The following NCAPH variants were observed in gnomAD, a reference collection of about 807,000 sequenced individuals.
NCAPH encodes non-SMC condensin I complex subunit H.
Under a neutral mutation model 85.5 loss-of-function variants are expected in NCAPH, and 38 were observed. That is an observed-to-expected ratio of 0.44 (90% CI 0.34 to 0.58). NCAPH has a LOEUF of 0.58. Among genes scored for constraint, NCAPH ranks in the 20% least tolerant of loss-of-function variants. The pLI is 0.01. For synonymous variants in NCAPH, 301 were observed against 335.1 expected (o/e 0.90, Z 1.11); for missense variants, 789 against 916.6 (o/e 0.86, Z 1.80).
At chr2:96,355,719 G>A (rs2064515793) in intron 9 of NCAPH, among the ~76,000 whole-genome samples, 1 of 150,618 alleles carries the variant, frequency 6.6e-6, no homozygotes. Context: ...TCTGCTCACT[G>A]CAAGCTCTGC....
intron 17 of NCAPH, among the ~76,000 whole-genome samples, chr2:96,371,583 T>A (rs2064773681): frequency 6.6e-6 from 1 of 152,204 alleles, no homozygotes; most frequent in Non-Finnish European, 1.5e-5. Flanking sequence ...TTCATTTTGC[T>A]GTGATCAAGT....
intron 17 of NCAPH, among the ~76,000 whole-genome samples, chr2:96,372,972 G>T (rs2064793481): frequency 6.6e-6 from 1 of 152,094 alleles, no homozygotes; most frequent in African/African-American, 2.4e-5. Context: ...ATGTGTTGTG[G>T]CTCCTCATGA....
chr2:96,339,162 G>C (rs1189271723), intron 1 of NCAPH, among the ~76,000 whole-genome samples: 1 of 152,240 alleles, frequency 6.6e-6, no homozygotes, highest in Admixed American at 6.5e-5. Flanking sequence ...AGCAGCCATA[G>C]AAAACTAATA....
At position 96,345,848 on chromosome 2, in the gene NCAPH, G is replaced by A. The variant is rs543204654; in HGVS notation, c.720+1619G>A. On this transcript the variant is annotated intron_variant, in intron 6 of 17. Transcript: ENST00000240423. ...TTCGTATTACTGTTTCAACATTCTT[G>A]TGGATCTGAAATTTTTTTTATGATA... Among the ~76,000 whole-genome samples, 174 of 152,286 alleles carry A rather than the reference G, an allele frequency of 1.1e-3. 1 individual carries two copies. The highest frequency in any genetic ancestry group is 4.0e-3 in the African/African-American group (167 of 41,562).
chr2:96,353,969 A>T (rs2064485177), intron 8 of NCAPH, among the ~76,000 whole-genome samples: 1 of 152,332 alleles, frequency 6.6e-6, no homozygotes, highest in Middle Eastern at 3.4e-3. Flanking sequence ...ACAACAATGC[A>T]GCTTCCTCCT....
chr2:96,365,747 C>T lies in NCAPH; in HGVS notation c.1699-129C>T, dbSNP rs983037311. On this transcript the variant is annotated intron_variant, in intron 13 of 17. Coordinates refer to ENST00000240423, the MANE Select transcript of NCAPH (RefSeq NM_015341.5). ...TAACTAGAGGCACCTAGAAGTTCAT[C>T]GTAGTGTAACTCACTGAGTGAACCA... 4.4e-5 allele frequency: 39 copies of T among 894,468 alleles called. No homozygotes were observed. The East Asian group carries it at 8.2e-4, about 19-fold the overall frequency. 55.4% of individuals were successfully genotyped at this position (894,468 alleles called of 1,614,324 possible).
In NCAPH at chr2:96,374,399, A is replaced by G. The variant is rs1463344812; in HGVS notation, c.*1048A>G. Among the ~76,000 whole-genome samples the G allele has an allele frequency of 6.6e-6, 1 of 152,208 alleles. No homozygotes were observed. Among genetic ancestry groups the G allele is most frequent in the Non-Finnish European group, 1.5e-5 (1 of 68,042 alleles). ...TCCCCTAACCTCAGAGGAATAGGGG[A>G]ATTAACTTTGCTTGCAATTTGGAAC... On this transcript the variant is annotated 3_prime_UTR_variant, in exon 18 of 18. Coordinates refer to ENST00000240423, the MANE Select transcript of NCAPH (RefSeq NM_015341.5).
intron 6 of NCAPH, among the ~76,000 whole-genome samples, chr2:96,350,266 TCA>T (rs1349026389): frequency 2.6e-5 from 4 of 152,226 alleles, no homozygotes; most frequent in Admixed American, 6.5e-5. Context: ...CCCTCTGTTG[TCA>T]CACATGATAT....
In NCAPH at chr2:96,375,361, G is replaced by GT. The variant is rs1399899245; in HGVS notation, c.*2012dup. Among the ~76,000 whole-genome samples, 1 of 152,180 alleles carries GT rather than the reference G, an allele frequency of 6.6e-6. No individual in the cohort carries two copies. Among genetic ancestry groups the GT allele is most frequent in the Non-Finnish European group, 1.5e-5 (1 of 68,042 alleles). On this transcript the variant is annotated 3_prime_UTR_variant, in exon 18 of 18. Transcript: ENST00000240423. ...GAATGTTTGTGTCTAAAATTCACAT[G>GT]TTGGTATTAAGAGATAGGGCCTTTG...
rs750650755 is a variant in NCAPH at position 96,342,054 on chromosome 2, A to G, written c.277A>G (p.Ile93Val). ...RLLASPSSRS[I>V]DISATIPKFT... ...TTGTTTTTGTTTTCCATTTAGGAGTATTGACATTTCAGCTACTATCCCCAA... is the reference window on the plus strand; with the variant it reads ...TTGTTTTTGTTTTCCATTTAGGAGTGTTGACATTTCAGCTACTATCCCCAA... Residue 93 changes from isoleucine to valine, a missense_variant, in exon 3 of 18, where the codon ATT (isoleucine) becomes GTT (valine). Transcript: ENST00000240423. 3 of 1,611,170 alleles carry G rather than the reference A, an allele frequency of 1.9e-6. 1 individual carries two copies. Among genetic ancestry groups the G allele is most frequent in the Non-Finnish European group, 1.7e-6 (2 of 1,177,352 alleles).
chr2:96,365,816 A>G (rs2064689769), intron 13 of NCAPH, 60 bp from the exon 14 acceptor site: 1 of 1,534,226 alleles, frequency 6.5e-7, no homozygotes, highest in Non-Finnish European at 9.0e-7. Flanking sequence ...GTCTATTTCA[A>G]GGGTGTTTCT....
At position 96,360,426 on chromosome 2, in the gene NCAPH, G is replaced by A. The variant is rs116670668; in HGVS notation, c.1465-162G>A. 5.2e-3 allele frequency among the ~76,000 whole-genome samples: 788 copies of A among 152,182 alleles called. 5 individuals carry two copies. The highest frequency in any genetic ancestry group is 9.1e-3 in the Non-Finnish European group (616 of 68,004). ...TCAGTGGCAGAAAGAATCAAATTTA[G>A]AATAAAAAGAATAATGCTAGCAAAA... On this transcript the variant is annotated intron_variant, in intron 11 of 17. Transcript: ENST00000240423.
chr2:96,335,874 G>A, intron 1 of NCAPH, 26 bp downstream of exon 1: 1 of 1,457,118 alleles, frequency 6.9e-7, no homozygotes, highest in Non-Finnish European at 9.0e-7. Context: ...GGGAGGCGCG[G>A]CGGGAAGGGC....
intron 9 of NCAPH, among the ~76,000 whole-genome samples, chr2:96,355,571 C>G (rs1167275943): frequency 6.6e-6 from 1 of 152,040 alleles, no homozygotes; most frequent in African/African-American, 2.4e-5. Context: ...ACCCTGCTCT[C>G]CGGAATTGTA....
intron 3 of NCAPH, 45 bp downstream of exon 3, chr2:96,342,185 A>G (rs2104422968): frequency 6.9e-7 from 1 of 1,439,484 alleles, no homozygotes. Context: ...TCCCTTGATC[A>G]CAGGGGAAAT....
At chr2:96,354,436 G>T in intron 9 of NCAPH, 48 bp downstream of exon 9, 2 of 1,340,958 alleles carry the variant, frequency 1.5e-6, no homozygotes, top group South Asian at 2.1e-5. Flanking sequence ...TTTTCCATTG[G>T]TTCTTTTTTC....
intron 1 of NCAPH, among the ~76,000 whole-genome samples, chr2:96,338,115 C>T (rs138945709): frequency 1.8e-4 from 27 of 151,792 alleles, no homozygotes; most frequent in East Asian, 1.9e-4. Context: ...TTAGTAGAGA[C>T]GGGATTTTGC....
At chr2:96,340,779 C>T (rs573193612) in intron 1 of NCAPH, among the ~76,000 whole-genome samples, 9 of 148,606 alleles carry the variant, frequency 6.1e-5, no homozygotes, top group Non-Finnish European at 1.2e-4. Context: ...CTACCATGTC[C>T]GGCCTTTTTT....
chr2:96,359,150 G>A lies in NCAPH; in HGVS notation c.1314G>A (p.Met438Ile). 1 of 1,614,232 alleles carries A rather than the reference G, an allele frequency of 6.2e-7. No individual in the cohort carries two copies. Among genetic ancestry groups the A allele is most frequent in the Non-Finnish European group, 8.5e-7 (1 of 1,180,044 alleles). Residue 438 changes from methionine (M) to isoleucine (I), a missense_variant, in exon 10 of 18, where the codon ATG becomes ATA. Met to Ile is a conservative substitution (Grantham distance 10). Coordinates refer to ENST00000240423, the MANE Select transcript of NCAPH (RefSeq NM_015341.5). ...ATTTCAGTCCTCGGACCATGTCGAT[G>A]TGGGCTGGCCCGGATCACTGGCGCT... ...YSYFSPRTMS[M>I]WAGPDHWRFR...
Sources: allele counts gnomAD v4.1 joint callset (sites outside exome capture counted in the v4.1 genomes callset), GRCh38; gene constraint gnomAD v4.1.1; transcripts MANE v1.5; gene names NCBI Gene and HGNC (gene_info 2026-07-23, HGNC 2026-07-21).